Variants in MACROD2 observed in about 807,000 individuals in gnomAD.
The protein encoded by MACROD2 is mono-ADP ribosylhydrolase 2.
A neutral mutation model predicts 70.4 loss-of-function variants in MACROD2; 36 were observed. The observed-to-expected ratio is 0.51, with a 90% CI of 0.39 to 0.68. MACROD2 has a LOEUF of 0.68. Among genes scored for constraint, MACROD2 ranks in the 30% least tolerant of loss-of-function variants. MACROD2 has a pLI of 0.00. For missense variants in MACROD2, 496 were observed against 538.4 expected (o/e 0.92, Z 0.78); for synonymous variants, 172 against 178.8 (o/e 0.96, Z 0.30).
chr20:14,061,835 A>G (rs888719253), intron 2 of MACROD2, among the ~76,000 whole-genome samples: 2 of 152,218 alleles, frequency 1.3e-5, no homozygotes, highest in Admixed American at 1.3e-4. Context: ...TAGTTTACAA[A>G]AGTCTGTTGG....
intron 8 of MACROD2, among the ~76,000 whole-genome samples, chr20:15,777,578 TTTCCTTCCTTCC>T (rs1241207207): frequency 7.8e-5 from 3 of 38,378 alleles, no homozygotes; most frequent in East Asian, 5.8e-4. Flanking sequence ...TCCTTCCTTC[TTTCCTTCCTTCC>T]TTCCTTCCTT....
intron 8 of MACROD2, among the ~76,000 whole-genome samples, chr20:15,529,299 T>C (rs1283458455): frequency 2.0e-5 from 3 of 152,166 alleles, no homozygotes; most frequent in East Asian, 1.9e-4. Context: ...TGCCTGTGTG[T>C]GTGTGTGTGT....
In MACROD2 at chr20:15,952,948, C is replaced by T. The variant is rs74839861; in HGVS notation, c.908-14605C>T. Among the ~76,000 whole-genome samples, 1,128 of 152,192 alleles carry T rather than the reference C, an allele frequency of 7.4e-3. 10 individuals are homozygous for T. The highest frequency in any genetic ancestry group is 0.026 in the African/African-American group (1,077 of 41,542). On this transcript the variant is annotated intron_variant, in intron 12 of 17. Transcript: ENST00000684519. ...AGAATAGTTTTGAGAAGAGACTTTTCGAAAACTCTCCCATTTCTGTGGGGG... is the reference window on the plus strand; with the variant it reads ...AGAATAGTTTTGAGAAGAGACTTTTTGAAAACTCTCCCATTTCTGTGGGGG...
intron 6 of MACROD2, among the ~76,000 whole-genome samples, chr20:15,406,019 T>C (rs1021194013): frequency 6.6e-6 from 1 of 152,164 alleles, no homozygotes; most frequent in African/African-American, 2.4e-5. Context: ...TCTGCTACTG[T>C]CTACCCAGCT....
At chr20:14,827,782 A>G (rs1054240325) in intron 5 of MACROD2, among the ~76,000 whole-genome samples, 1 of 152,008 alleles carries the variant, frequency 6.6e-6, no homozygotes, top group African/African-American at 2.4e-5. Context: ...TGGAGGTTAG[A>G]TATTTAATTT....
intron 3 of MACROD2, among the ~76,000 whole-genome samples, chr20:14,442,235 A>G (rs953567546): frequency 6.6e-6 from 1 of 152,120 alleles, no homozygotes; most frequent in Non-Finnish European, 1.5e-5. Flanking sequence ...CCACCACTGC[A>G]CTCTAGCCTG....
intron 8 of MACROD2, among the ~76,000 whole-genome samples, chr20:15,762,131 A>G (rs1403638519): frequency 6.6e-6 from 1 of 152,240 alleles, no homozygotes; most frequent in Admixed American, 6.5e-5. Flanking sequence ...TTGAATAATA[A>G]TAATAATGGA....
chr20:14,149,872 A>T (rs1412886882), intron 3 of MACROD2, among the ~76,000 whole-genome samples: 2 of 152,096 alleles, frequency 1.3e-5, no homozygotes, highest in African/African-American at 4.8e-5. Flanking sequence ...TTTTTCTTGA[A>T]AAAGAGAATA....
chr20:15,461,006 A>ATATATATATATATATATATATTTTTTTT, intron 7 of MACROD2, among the ~76,000 whole-genome samples: 25 of 66,978 alleles, frequency 3.7e-4, no homozygotes, highest in Admixed American at 7.1e-4. Context: ...ATATATATAT[A>ATATATATATATATATATATATTTTTTTT]TTTTTTTTTA....
At chr20:14,998,147 A>C (rs1015410266) in intron 5 of MACROD2, among the ~76,000 whole-genome samples, 4 of 152,220 alleles carry the variant, frequency 2.6e-5, no homozygotes, top group African/African-American at 9.6e-5. Flanking sequence ...GTCGGGTACA[A>C]ATAAGCCCAA....
chr20:15,524,817 A>G (rs2047700640), intron 8 of MACROD2, among the ~76,000 whole-genome samples: 1 of 152,230 alleles, frequency 6.6e-6, no homozygotes, highest in Admixed American at 6.5e-5. Context: ...TCAATTACCT[A>G]CTTTTACCAA....
chr20:15,881,336 G>A (rs1045417468), intron 9 of MACROD2, among the ~76,000 whole-genome samples: 2 of 152,038 alleles, frequency 1.3e-5, no homozygotes, highest in Non-Finnish European at 2.9e-5. Context: ...TGGAGGCTAC[G>A]AGTTTTATGG....
intron 6 of MACROD2, among the ~76,000 whole-genome samples, chr20:15,304,200 A>G (rs961359975): frequency 6.6e-6 from 1 of 151,666 alleles, no homozygotes; most frequent in African/African-American, 2.4e-5. Flanking sequence ...GGGGTTGGAG[A>G]TTAGGGAAAA....
intron 8 of MACROD2, among the ~76,000 whole-genome samples, chr20:15,531,820 T>G (rs2047805810): frequency 6.6e-6 from 1 of 152,170 alleles, no homozygotes; most frequent in Non-Finnish European, 1.5e-5. Flanking sequence ...AATATCTAAA[T>G]GAATATTGGT....
intron 3 of MACROD2, among the ~76,000 whole-genome samples, chr20:14,218,435 T>G (rs1454122179): frequency 1.3e-5 from 2 of 152,180 alleles, no homozygotes; most frequent in South Asian, 2.1e-4. Flanking sequence ...AGGAAGCAGA[T>G]AGTTGGTTGG....
At chr20:14,740,092 A>T (rs2071715328) in intron 5 of MACROD2, among the ~76,000 whole-genome samples, 1 of 152,108 alleles carries the variant, frequency 6.6e-6, no homozygotes, top group Non-Finnish European at 1.5e-5. Flanking sequence ...TATTATCTTT[A>T]TTCTTTAAAG....
At chr20:15,359,231 T>C (rs778280328) in intron 6 of MACROD2, among the ~76,000 whole-genome samples, 9 of 152,172 alleles carry the variant, frequency 5.9e-5, no homozygotes, top group Non-Finnish European at 1.0e-4. Context: ...CTTTATTATT[T>C]ACTTGCTGAC....
chr20:14,874,124 T>C (rs1194644150), intron 5 of MACROD2, among the ~76,000 whole-genome samples: 1 of 152,028 alleles, frequency 6.6e-6, no homozygotes, highest in Admixed American at 6.6e-5. Context: ...TCTGTCTTTT[T>C]AAAGTAAGTA....
intron 6 of MACROD2, among the ~76,000 whole-genome samples, chr20:15,387,228 T>G (rs433059): frequency 0.78 from 118,446 of 152,092 alleles, 46,228 homozygotes; most frequent in South Asian, 0.84. Context: ...GAAGTTAATG[T>G]TAGCATAGAG....
Sources: gnomAD v4.1 joint callset for allele counts (sites outside exome capture counted in the v4.1 genomes callset) on GRCh38, gnomAD v4.1.1 for gene constraint, MANE v1.5 for transcripts, NCBI Gene and HGNC (gene_info 2026-07-23, HGNC 2026-07-21) for gene names.